SPTLC2: variants seen among roughly 807,000 people sequenced by gnomAD.
The protein encoded by SPTLC2 is serine palmitoyltransferase 2.
SPTLC2 carries 21 observed loss-of-function variants against 62.0 expected under a neutral mutation model. The observed-to-expected ratio is 0.34, with a 90% CI of 0.24 to 0.49. SPTLC2 has a LOEUF of 0.49. Among genes scored for constraint, SPTLC2 ranks in the 20% least tolerant of loss-of-function variants. The pLI is 0.99. For missense variants in SPTLC2, 511 were observed against 713.0 expected (o/e 0.72, Z 3.23); for synonymous variants, 261 against 261.8 (o/e 1.00, Z 0.03).
intron 9 of SPTLC2, among the ~76,000 whole-genome samples, chr14:77,532,109 AG>A (rs2079443775): frequency 6.6e-6 from 1 of 152,240 alleles, no homozygotes; most frequent in South Asian, 2.1e-4. Context: ...GTGTGGGCTC[AG>A]GAACTCTCCT....
intron 9 of SPTLC2, among the ~76,000 whole-genome samples, chr14:77,541,286 C>T (rs1314162277): frequency 6.6e-6 from 1 of 152,110 alleles, no homozygotes; most frequent in Non-Finnish European, 1.5e-5. Context: ...GTGATCCACC[C>T]GTCTTGGCCT....
At chr14:77,526,194 G>A (rs2079408405) in intron 9 of SPTLC2, among the ~76,000 whole-genome samples, 1 of 152,150 alleles carries the variant, frequency 6.6e-6, no homozygotes, top group Non-Finnish European at 1.5e-5. Flanking sequence ...TTTGACTTGA[G>A]TATCATATAA....
At chr14:77,609,420 T>A (rs2079922834) in intron 1 of SPTLC2, among the ~76,000 whole-genome samples, 1 of 152,150 alleles carries the variant, frequency 6.6e-6, no homozygotes, top group Non-Finnish European at 1.5e-5. Context: ...GACATTTGGA[T>A]TGTTTCTACT....
chr14:77,554,953 C>CGTAT, intron 8 of SPTLC2: 1 of 343,990 alleles, frequency 2.9e-6, no homozygotes, highest in South Asian at 2.6e-5. Context: ...CCATGGGCTC[C>CGTAT]CATGACAACC....
At chr14:77,517,341 C>A (rs1377046358) in intron 11 of SPTLC2, among the ~76,000 whole-genome samples, 2 of 152,148 alleles carry the variant, frequency 1.3e-5, no homozygotes, top group African/African-American at 2.4e-5. Context: ...TTTATAAACT[C>A]CCAGATGGCA....
chr14:77,586,747 A>T (rs749395103), intron 2 of SPTLC2, among the ~76,000 whole-genome samples: 2 of 152,226 alleles, frequency 1.3e-5, no homozygotes, highest in Non-Finnish European at 2.9e-5. Flanking sequence ...CGGACAAAAG[A>T]TTTGAACAGA....
chr14:77,544,736 A>G (rs2079519024), intron 9 of SPTLC2, among the ~76,000 whole-genome samples: 1 of 152,182 alleles, frequency 6.6e-6, no homozygotes, highest in Non-Finnish European at 1.5e-5. Context: ...CCTTTCTGAT[A>G]AAGTCCTGAC....
At chr14:77,568,112 A>G (rs2079656409) in intron 5 of SPTLC2, among the ~76,000 whole-genome samples, 2 of 152,196 alleles carry the variant, frequency 1.3e-5, no homozygotes. Flanking sequence ...ATACATTTCC[A>G]TCTGAGCATT....
At chr14:77,589,789 CCACACACACACA>C (rs10627978) in intron 2 of SPTLC2, among the ~76,000 whole-genome samples, 91 of 146,318 alleles carry the variant, frequency 6.2e-4, no homozygotes, top group Middle Eastern at 3.5e-3. Flanking sequence ...GAGTCCGTCT[CCACACACACACA>C]CACACACACA....
intron 5 of SPTLC2, among the ~76,000 whole-genome samples, chr14:77,566,186 TTTTTTAGACAGC>T: frequency 9.4e-6 from 1 of 106,266 alleles, no homozygotes; most frequent in Non-Finnish European, 2.1e-5. Flanking sequence ...TTAGACAGCC[TTTTTTAGACAGC>T]CTTATTCAGC....
intron 4 of SPTLC2, among the ~76,000 whole-genome samples, chr14:77,575,112 C>G (rs2079707185): frequency 6.6e-6 from 1 of 152,060 alleles, no homozygotes; most frequent in Admixed American, 6.5e-5. Flanking sequence ...GTCCTAACTA[C>G]TTAGGAGGCT....
chr14:77,539,441 T>G (rs971873352), intron 9 of SPTLC2, among the ~76,000 whole-genome samples: 1 of 150,612 alleles, frequency 6.6e-6, no homozygotes, highest in East Asian at 1.9e-4. Context: ...AACTGTTGTT[T>G]ATTCTGAGAA....
In SPTLC2 at chr14:77,565,242, CAAAAAAAAAA is replaced by C. The variant is rs59356054; in HGVS notation, c.757-2763_757-2754del. Among the ~76,000 whole-genome samples, 331 of 33,718 alleles carry C rather than the reference CAAAAAAAAAA, an allele frequency of 9.8e-3. 2 individuals carry two copies. The highest frequency in any genetic ancestry group is 0.014 in the Non-Finnish European group (287 of 20,236). The allele number at this position is 33,718 out of a possible 152,430, so 22.1% of individuals were successfully genotyped here. A position where few individuals can be genotyped will look rare whatever the true frequency, so the allele number is the denominator to read the frequency against. On this transcript the variant is annotated intron_variant, in intron 5 of 11. Transcript: ENST00000216484. ...GGGCAACAAGAGCAAAACTCCATCT[CAAAAAAAAAA>C]AAAAAAAAAAAAAAAAGAACACCAA...
At chr14:77,591,743 G>C (rs1392216465) in intron 2 of SPTLC2, among the ~76,000 whole-genome samples, 1 of 68,328 alleles carries the variant, frequency 1.5e-5, no homozygotes, top group Non-Finnish European at 3.3e-5. Flanking sequence ...TTTATTTTTA[G>C]ACGGAGTTTC....
Position 77,510,165 on chromosome 14 carries a change from T to C in SPTLC2, c.*2119A>G. ...ACAACCTCCTTCTTACTTTAACCTA[T>C]ACATGCTAAATATAGTCTCTGCATC... is the stretch of plus-strand genomic sequence containing the variant. On this transcript the variant is annotated 3_prime_UTR_variant, in exon 12 of 12. Coordinates refer to ENST00000216484, the MANE Select transcript of SPTLC2 (RefSeq NM_004863.4). The C allele has an allele frequency of 2.6e-6, 1 of 383,528 alleles. No individual in the cohort carries two copies. Among genetic ancestry groups the C allele is most frequent in the Non-Finnish European group, 4.6e-6 (1 of 217,414 alleles). 23.8% of individuals were successfully genotyped at this position (383,528 alleles called of 1,614,324 possible).
intron 9 of SPTLC2, among the ~76,000 whole-genome samples, chr14:77,525,862 C>A (rs899331266): frequency 6.6e-6 from 1 of 151,684 alleles, no homozygotes. Flanking sequence ...TGCAGTGAGC[C>A]GAGATTATGC....
At chr14:77,572,206 G>A (rs1267838940) in intron 4 of SPTLC2, among the ~76,000 whole-genome samples, 2 of 152,170 alleles carry the variant, frequency 1.3e-5, no homozygotes, top group East Asian at 3.8e-4. Flanking sequence ...TTTCTGGAGT[G>A]CCAGTTAGAA....
At chr14:77,615,230 G>A (rs754565275) in intron 1 of SPTLC2, among the ~76,000 whole-genome samples, 3 of 152,036 alleles carry the variant, frequency 2.0e-5, no homozygotes, top group Non-Finnish European at 4.4e-5. Flanking sequence ...GTATTACTTC[G>A]CTTTGACACC....
At chr14:77,579,673 T>C (rs958157296) in intron 2 of SPTLC2, among the ~76,000 whole-genome samples, 4 of 151,930 alleles carry the variant, frequency 2.6e-5, no homozygotes, top group Non-Finnish European at 4.4e-5. Flanking sequence ...TTGTGCCCAG[T>C]AGATTGGGGC....
Sources: gnomAD v4.1 joint callset for allele counts (sites outside exome capture counted in the v4.1 genomes callset) on GRCh38, gnomAD v4.1.1 for gene constraint, MANE v1.5 for transcripts, NCBI Gene and HGNC (gene_info 2026-07-23, HGNC 2026-07-21) for gene names.